ZBTB49: variants seen among roughly 807,000 people sequenced by gnomAD.
The protein encoded by ZBTB49 is zinc finger and BTB domain containing 49, also known as zinc finger and BTB domain-containing protein 49.
Under a neutral mutation model 57.5 loss-of-function variants are expected in ZBTB49, and 43 were observed. The observed-to-expected ratio is 0.75, with a 90% confidence interval of 0.59 to 0.97. ZBTB49 has a LOEUF of 0.97. Ranked by LOEUF, ZBTB49 falls within the 50% of genes least tolerant of loss-of-function variation. The probability of loss-of-function intolerance (pLI) is 0.00; values close to 1 mark genes in which losing one functional copy is unlikely to be tolerated. For synonymous variants in ZBTB49, 369 were observed against 362.1 expected (o/e 1.02, Z -0.22); for missense variants, 938 against 947.7 (o/e 0.99, Z 0.13).
intron 3 of ZBTB49, among the ~76,000 whole-genome samples, chr4:4,303,796 C>A (rs947730885): frequency 7.7e-6 from 1 of 130,140 alleles, no homozygotes; most frequent in Non-Finnish European, 1.6e-5. Flanking sequence ...ATATATATAT[C>A]TCCACACACA....
At chr4:4,291,393 A>T (rs1719902816) in intron 1 of ZBTB49, among the ~76,000 whole-genome samples, 1 of 152,162 alleles carries the variant, frequency 6.6e-6, no homozygotes, top group Non-Finnish European at 1.5e-5. Flanking sequence ...TGAGAACGTC[A>T]GTCAGGTTGT....
chr4:4,295,125 A>G (rs561570992), intron 1 of ZBTB49, among the ~76,000 whole-genome samples: 1 of 152,258 alleles, frequency 6.6e-6, no homozygotes, highest in East Asian at 1.9e-4. Context: ...TGTTGTATTG[A>G]TCCATTATCA....
chr4:4,292,187 A>G (rs1242823090), intron 1 of ZBTB49, among the ~76,000 whole-genome samples: 4 of 152,190 alleles, frequency 2.6e-5, no homozygotes, highest in Admixed American at 2.0e-4. Flanking sequence ...AGGCTGAGGC[A>G]GAAGAATCGC....
chr4:4,310,815 G>A lies in ZBTB49; in HGVS notation c.1303-2226G>A, dbSNP rs537422964. 1.7e-4 allele frequency among the ~76,000 whole-genome samples: 26 copies of A among 151,928 alleles called. No individual in the cohort carries two copies. In the East Asian group the frequency reaches 2.9e-3, roughly 17 times the overall value. The stretch of plus-strand genomic sequence containing the variant: ...ATTACGGGCATGAGCCACTGCGCCC[G>A]GCCTACTTGCTAGAATTTTTATGGA... On this transcript the variant is annotated intron_variant, in intron 4 of 7. Coordinates refer to ENST00000337872, the MANE Select transcript of ZBTB49 (RefSeq NM_145291.4).
At chr4:4,304,926 T>C (rs543914608) in intron 3 of ZBTB49, among the ~76,000 whole-genome samples, 1 of 83,666 alleles carries the variant, frequency 1.2e-5, no homozygotes, top group Non-Finnish European at 2.4e-5. Flanking sequence ...CAAAAGCTCT[T>C]TAGGACCTCA....
At chr4:4,312,035 C>T (rs1426384637) in intron 4 of ZBTB49, among the ~76,000 whole-genome samples, 1 of 152,084 alleles carries the variant, frequency 6.6e-6, no homozygotes, top group South Asian at 2.1e-4. Context: ...ATTTAAAATG[C>T]AATTTGCAAA....
rs528440910 is a variant in ZBTB49 at position 4,293,182 on chromosome 4, T to C, written c.-20+2830T>C. Among the ~76,000 whole-genome samples the C allele has an allele frequency of 5.9e-5, 9 of 152,350 alleles. No individual in the cohort carries two copies. The South Asian group carries it at 1.9e-3, about 32-fold the overall frequency. On this transcript the variant is annotated intron_variant, in intron 1 of 7. Transcript: ENST00000337872. ...AAGACACTCTGCTAGGCACCAGAGA[T>C]ACATTGTTCAATAAGACAGATGGAG...
Position 4,321,583 on chromosome 4 carries a change from T to A in ZBTB49, c.*267T>A, listed in dbSNP as rs1721420396. ...GATGCTGTCTCAGCAGCCTCAGCTG[T>A]GGGGGGGAAGCGCGTGTGCATCGTG... On this transcript the variant is annotated 3_prime_UTR_variant, in exon 8 of 8. Transcript: ENST00000337872. 3.8e-6 allele frequency: 2 copies of A among 521,014 alleles called. No homozygotes were observed. Among genetic ancestry groups the A allele is most frequent in the Admixed American group, 3.6e-5 (1 of 27,484 alleles). The allele number at this position is 521,014 out of a possible 1,614,324, so 32.3% of individuals were successfully genotyped here. A position where few individuals can be genotyped will look rare whatever the true frequency, so the allele number is the denominator to read the frequency against.
intron 3 of ZBTB49, 92 bp from the exon 4 acceptor site, chr4:4,306,046 A>G (rs1156539475): frequency 5.0e-6 from 5 of 1,005,674 alleles, no homozygotes; most frequent in African/African-American, 3.2e-5. Context: ...ATGTAATGCC[A>G]TTTTGAAAGT....
At chr4:4,299,854 T>C in intron 1 of ZBTB49, 73 bp from the exon 2 acceptor site, 1 of 1,381,510 alleles carries the variant, frequency 7.2e-7, no homozygotes. Context: ...GATCAATCAG[T>C]AAGTTTCAGT....
chr4:4,290,771 A>G (rs1719857869), intron 1 of ZBTB49, among the ~76,000 whole-genome samples: 1 of 152,228 alleles, frequency 6.6e-6, no homozygotes, highest in South Asian at 2.1e-4. Flanking sequence ...TTAAGACGAC[A>G]GAGCCCACAG....
At chr4:4,290,602 C>T (rs1421175115) in intron 1 of ZBTB49, among the ~76,000 whole-genome samples, 1 of 152,222 alleles carries the variant, frequency 6.6e-6, no homozygotes, top group African/African-American at 2.4e-5. Context: ...GCCTGGGAGC[C>T]GGGCCTTCTC....
At position 4,299,376 on chromosome 4, in the gene ZBTB49, C is replaced by T. The variant is rs185968875; in HGVS notation, c.-19-551C>T. Among the ~76,000 whole-genome samples, 476 of 151,020 alleles carry T rather than the reference C, an allele frequency of 3.2e-3. 1 individual carries two copies. Among genetic ancestry groups the T allele is most frequent in the African/African-American group, 0.011 (460 of 41,558 alleles). ...TGATGTTAGGTATTTTGACCTGTACCTTATCTCCCAAAATAGGCTCCTAAT... is the reference window on the plus strand; with the variant it reads ...TGATGTTAGGTATTTTGACCTGTACTTTATCTCCCAAAATAGGCTCCTAAT... On this transcript the variant is annotated intron_variant, in intron 1 of 7. Transcript: ENST00000337872.
chr4:4,319,941 G>C (rs1721338514), intron 7 of ZBTB49, among the ~76,000 whole-genome samples: 1 of 151,212 alleles, frequency 6.6e-6, no homozygotes, highest in Admixed American at 6.6e-5. Context: ...TCAGGCATCT[G>C]TAATCCCAGC....
chr4:4,296,108 A>G (rs767442760), intron 1 of ZBTB49, among the ~76,000 whole-genome samples: 7 of 152,186 alleles, frequency 4.6e-5, no homozygotes, highest in African/African-American at 7.2e-5. Flanking sequence ...CAGGATAGGG[A>G]TGGGACAGAT....
intron 4 of ZBTB49, 91 bp from the exon 5 acceptor site, chr4:4,312,950 C>A: frequency 7.3e-7 from 1 of 1,361,102 alleles, no homozygotes; most frequent in Non-Finnish European, 1.0e-6. Context: ...TGGAACCTGG[C>A]TAAATGTGTC....
chr4:4,291,179 G>A (rs1719888948), intron 1 of ZBTB49, among the ~76,000 whole-genome samples: 1 of 152,184 alleles, frequency 6.6e-6, no homozygotes, highest in South Asian at 2.1e-4. Context: ...CAAAATACTG[G>A]GTGGCTTAAA....
At chr4:4,298,491 A>T (rs961879565) in intron 1 of ZBTB49, among the ~76,000 whole-genome samples, 26 of 152,160 alleles carry the variant, frequency 1.7e-4, no homozygotes, top group African/African-American at 6.0e-4. Flanking sequence ...CAGTGGTGCC[A>T]TCATGACTCA....
intron 7 of ZBTB49, 97 bp downstream of exon 7, chr4:4,316,067 CTTT>C: frequency 6.8e-7 from 1 of 1,467,944 alleles, no homozygotes; most frequent in Non-Finnish European, 9.2e-7. Flanking sequence ...GGGATGAGCC[CTTT>C]GTTTCCTCCT....
Sources: allele counts gnomAD v4.1 joint callset (sites outside exome capture counted in the v4.1 genomes callset), GRCh38; gene constraint gnomAD v4.1.1; transcripts MANE v1.5; gene names NCBI Gene and HGNC (gene_info 2026-07-23, HGNC 2026-07-21).